The following PACRG variants were observed in gnomAD, a reference collection of about 807,000 sequenced individuals.
PACRG encodes the protein parkin coregulated, also known as parkin coregulated gene protein.
In PACRG, 29 loss-of-function variants were observed where a neutral mutation model predicts 29.7. The ratio of observed to expected loss-of-function variants is 0.98; its 90% CI spans 0.73 to 1.33. PACRG has a LOEUF of 1.33. PACRG is among the 40% of genes most tolerant of loss of function. The pLI is 0.00. For synonymous variants in PACRG, 116 were observed against 118.7 expected, an observed-to-expected ratio of 0.98 and a Z score of 0.15; for missense variants, 279 against 316.2, an observed-to-expected ratio of 0.88 and a Z score of 0.89.
At chr6:163,214,093 G>A (rs1267237295) in intron 4 of PACRG, among the ~76,000 whole-genome samples, 3 of 152,154 alleles carry the variant, frequency 2.0e-5, no homozygotes, top group East Asian at 3.8e-4. Flanking sequence ...TGCTTCGGTA[G>A]AGTATTGTCC....
At chr6:163,160,617 A>G (rs1486576059) in intron 4 of PACRG, among the ~76,000 whole-genome samples, 1 of 152,222 alleles carries the variant, frequency 6.6e-6, no homozygotes, top group Non-Finnish European at 1.5e-5. Flanking sequence ...AGAAGCTTGA[A>G]TTGCTGCGTG....
At chr6:162,977,516 C>A (rs1802057035) in intron 2 of PACRG, among the ~76,000 whole-genome samples, 1 of 152,030 alleles carries the variant, frequency 6.6e-6, no homozygotes, top group Non-Finnish European at 1.5e-5. Flanking sequence ...TATTCGCCAC[C>A]CTGAGCCCCT....
At chr6:162,925,848 G>A (rs796934744) in intron 2 of PACRG, among the ~76,000 whole-genome samples, 19 of 152,228 alleles carry the variant, frequency 1.2e-4, no homozygotes, top group African/African-American at 4.3e-4. Context: ...CAAATAGGAA[G>A]AGAGGAAATA....
intron 1 of PACRG, among the ~76,000 whole-genome samples, chr6:162,752,664 A>C (rs1781599222): frequency 6.6e-6 from 1 of 152,218 alleles, no homozygotes; most frequent in Non-Finnish European, 1.5e-5. Context: ...AAAGAGACTG[A>C]ATGTGGTGGC....
At chr6:162,738,627 G>A (rs1780345989) in intron 1 of PACRG, among the ~76,000 whole-genome samples, 3 of 152,038 alleles carry the variant, frequency 2.0e-5, no homozygotes, top group Admixed American at 6.5e-5. Context: ...TTTTTCAAAA[G>A]GCATAGCACT....
At chr6:162,813,627 C>T (rs1166556762) in intron 1 of PACRG, among the ~76,000 whole-genome samples, 1 of 152,066 alleles carries the variant, frequency 6.6e-6, no homozygotes, top group East Asian at 1.9e-4. Flanking sequence ...TCTCTTTCTA[C>T]ACTAATTTAT....
chr6:163,113,638 C>T (rs1815830873), intron 4 of PACRG, among the ~76,000 whole-genome samples: 1 of 151,996 alleles, frequency 6.6e-6, no homozygotes, highest in African/African-American at 2.4e-5. Context: ...AATTGTCAAC[C>T]AAGAACCCAA....
intron 3 of PACRG, among the ~76,000 whole-genome samples, chr6:163,082,161 C>A (rs757037612): frequency 8.6e-5 from 13 of 151,980 alleles, no homozygotes; most frequent in Non-Finnish European, 1.8e-4. Flanking sequence ...CAAATAACAA[C>A]AAAATATAGA....
intron 2 of PACRG, among the ~76,000 whole-genome samples, chr6:162,999,213 C>G (rs1804359253): frequency 6.6e-6 from 1 of 152,186 alleles, no homozygotes; most frequent in Non-Finnish European, 1.5e-5. Flanking sequence ...CAAGAGATTG[C>G]TGGAAGCCCC....
chr6:162,780,749 A>G (rs1478233185), intron 1 of PACRG, among the ~76,000 whole-genome samples: 1 of 152,146 alleles, frequency 6.6e-6, no homozygotes, highest in Non-Finnish European at 1.5e-5. Context: ...GAACTACAAT[A>G]TCTAAGATGA....
intron 1 of PACRG, among the ~76,000 whole-genome samples, chr6:162,810,944 C>G (rs1246336376): frequency 6.6e-6 from 1 of 152,020 alleles, no homozygotes; most frequent in East Asian, 1.9e-4. Context: ...CAAAGTTGAA[C>G]AAACTTCAAA....
chr6:162,915,696 G>A (rs1796652112), intron 2 of PACRG, among the ~76,000 whole-genome samples: 1 of 151,866 alleles, frequency 6.6e-6, no homozygotes, highest in Admixed American at 6.6e-5. Flanking sequence ...CTATTCTTTT[G>A]TATTGTTTTT....
intron 4 of PACRG, among the ~76,000 whole-genome samples, chr6:163,131,315 C>CAAAAA (rs55958953): frequency 2.3e-4 from 32 of 136,184 alleles, no homozygotes; most frequent in African/African-American, 4.7e-4. Context: ...CTGTCTCAAA[C>CAAAAA]AAAAAAAAAA....
chr6:162,949,362 G>T (rs946826427), intron 2 of PACRG, among the ~76,000 whole-genome samples: 3 of 152,146 alleles, frequency 2.0e-5, no homozygotes, highest in African/African-American at 7.2e-5. Context: ...AGGATGTGCA[G>T]GTAGTTGGGC....
At chr6:162,889,423 G>A (rs893196933) in intron 2 of PACRG, among the ~76,000 whole-genome samples, 1 of 152,186 alleles carries the variant, frequency 6.6e-6, no homozygotes, top group Non-Finnish European at 1.5e-5. Context: ...ACTATTCTGA[G>A]TTGCTGCTTA....
upstream of PACRG, chr6:162,727,314 A>AAGGGGAGGGGCGGCGGCGGGGCGC: frequency 2.8e-6 from 1 of 352,166 alleles, no homozygotes; most frequent in Non-Finnish European, 5.1e-6. Context: ...CGGCGGGGCG[A>AAGGGGAGGGGCGGCGGCGGGGCGC]AGGTGAGGGG....
chr6:163,124,827 T>G (rs1816450983), intron 4 of PACRG, among the ~76,000 whole-genome samples: 1 of 152,220 alleles, frequency 6.6e-6, no homozygotes, highest in South Asian at 2.1e-4. Context: ...TGGCTGTAAA[T>G]TTTGAAAAAC....
chr6:163,301,535 C>A (rs1210947121), intron 4 of PACRG, among the ~76,000 whole-genome samples: 4 of 152,188 alleles, frequency 2.6e-5, no homozygotes, highest in Non-Finnish European at 4.4e-5. Context: ...CAAGGTGAGT[C>A]CAGATAACAA....
rs376521730 is a variant in PACRG, at chr6:162,947,359, A to ATATGATCATATATGAT, written c.292-114791_292-114790insTATGATCATATATGAT. 1.2e-3 allele frequency among the ~76,000 whole-genome samples: 45 copies of ATATGATCATATATGAT among 36,700 alleles called. 4 individuals carry two copies. Among genetic ancestry groups the ATATGATCATATATGAT allele is most frequent in the African/African-American group, 4.4e-3 (43 of 9,762 alleles). 24.1% of individuals were successfully genotyped at this position (36,700 alleles called of 152,430 possible). ...ATATATATAATGATTACATATATAT[A>ATATGATCATATATGAT]ATGTAATCATATATAATCATATATA... On this transcript the variant is annotated intron_variant, in intron 2 of 4. Coordinates refer to ENST00000366888, the MANE Select transcript of PACRG (RefSeq NM_001080379.2).
Sources: gnomAD v4.1 joint callset for allele counts (sites outside exome capture counted in the v4.1 genomes callset) on GRCh38, gnomAD v4.1.1 for gene constraint, MANE v1.5 for transcripts, NCBI Gene and HGNC (gene_info 2026-07-23, HGNC 2026-07-21) for gene names.